CREB5: variants seen among roughly 807,000 people sequenced by gnomAD.
CREB5 encodes cyclic AMP-responsive element-binding protein 5.
In CREB5, 19 loss-of-function variants were observed where a neutral mutation model predicts 57.1. The ratio of observed to expected loss-of-function variants is 0.33; its 90% CI spans 0.23 to 0.49. CREB5 has a LOEUF of 0.49. Ranked by LOEUF, CREB5 falls within the 20% of genes least tolerant of loss-of-function variation. The pLI, the probability that CREB5 is intolerant of heterozygous loss-of-function variation, is 0.99. For synonymous variants in CREB5, 238 were observed against 238.3 expected, an observed-to-expected ratio of 1.00 and a Z score of 0.01; for missense variants, 579 against 671.6, an observed-to-expected ratio of 0.86 and a Z score of 1.52.
chr7:28,770,512 T>C (rs993460595), intron 7 of CREB5, among the ~76,000 whole-genome samples: 4 of 152,246 alleles, frequency 2.6e-5, no homozygotes, highest in African/African-American at 9.6e-5. Flanking sequence ...CATTTGTACC[T>C]TTCATCATGA....
intron 1 of CREB5, among the ~76,000 whole-genome samples, chr7:28,389,860 T>A (rs1405522979): frequency 3.9e-5 from 6 of 152,110 alleles, no homozygotes; most frequent in Non-Finnish European, 5.9e-5. Flanking sequence ...TCTTCTGGTC[T>A]GTATTAACAA....
intron 7 of CREB5, among the ~76,000 whole-genome samples, chr7:28,759,514 G>A (rs1168815700): frequency 6.6e-6 from 1 of 152,200 alleles, no homozygotes; most frequent in Non-Finnish European, 1.5e-5. Context: ...AGAAATTATA[G>A]ATGCACAATT....
chr7:28,686,116 G>T (rs1278767014), intron 5 of CREB5: 1 of 1,611,834 alleles, frequency 6.2e-7, no homozygotes, highest in Non-Finnish European at 8.5e-7. Flanking sequence ...TTAAGCTTTG[G>T]CTCAAATTCT....
intron 5 of CREB5, among the ~76,000 whole-genome samples, chr7:28,630,000 T>G (rs1798143579): frequency 6.6e-6 from 1 of 152,312 alleles, no homozygotes; most frequent in South Asian, 2.1e-4. Flanking sequence ...TCCAATCCAA[T>G]GTACAACTTC....
intron 1 of CREB5, among the ~76,000 whole-genome samples, chr7:28,354,981 G>GCCACC (rs995542774): frequency 1.3e-4 from 20 of 152,222 alleles, no homozygotes; most frequent in East Asian, 1.9e-4. Context: ...ATGGGGCCTA[G>GCCACC]CCACCCCCGC....
intron 5 of CREB5, among the ~76,000 whole-genome samples, chr7:28,580,677 T>C (rs922204340): frequency 6.6e-6 from 1 of 151,774 alleles, no homozygotes; most frequent in Admixed American, 6.6e-5. Context: ...CAGCCTTATA[T>C]TGGGGCCACT....
chr7:28,377,658 T>G (rs542732893), intron 1 of CREB5, among the ~76,000 whole-genome samples: 1 of 152,190 alleles, frequency 6.6e-6, no homozygotes. Flanking sequence ...GTGTTCTAGC[T>G]TTTCAGTCTC....
intron 8 of CREB5, among the ~76,000 whole-genome samples, chr7:28,806,144 C>A (rs1293493689): frequency 1.3e-5 from 2 of 152,182 alleles, no homozygotes; most frequent in African/African-American, 2.4e-5. Flanking sequence ...TATAACAATT[C>A]TTTGAATATA....
At chr7:28,570,563 T>C (rs1388131630) in intron 5 of CREB5, 26 bp downstream of exon 5, 5 of 1,607,790 alleles carry the variant, frequency 3.1e-6, no homozygotes, top group Non-Finnish European at 3.4e-6. Context: ...TGGCTGCCCC[T>C]GGGTCCTGGC....
chr7:28,636,745 T>G (rs1232286175), intron 5 of CREB5, among the ~76,000 whole-genome samples: 1 of 152,222 alleles, frequency 6.6e-6, no homozygotes, highest in Admixed American at 6.5e-5. Flanking sequence ...GTTTGTCTTT[T>G]TGTCTTCATC....
At chr7:28,602,896 G>A (rs1455658317) in intron 5 of CREB5, among the ~76,000 whole-genome samples, 1 of 152,120 alleles carries the variant, frequency 6.6e-6, no homozygotes, top group Non-Finnish European at 1.5e-5. Flanking sequence ...CTCTGTGGAT[G>A]GTACCACTGT....
chr7:28,433,701 A>G (rs1788823423), intron 1 of CREB5, among the ~76,000 whole-genome samples: 1 of 152,126 alleles, frequency 6.6e-6, no homozygotes, highest in East Asian at 1.9e-4. Flanking sequence ...TAGAAGCACA[A>G]GTATAGCCAT....
intron 4 of CREB5, among the ~76,000 whole-genome samples, chr7:28,520,780 G>A (rs375474088): frequency 2.3e-4 from 35 of 152,366 alleles, no homozygotes; most frequent in African/African-American, 7.9e-4. Context: ...GGAGCACAGT[G>A]TACAGGGTTG....
At chr7:28,302,694 C>T (rs966581843) in intron 1 of CREB5, among the ~76,000 whole-genome samples, 3 of 152,068 alleles carry the variant, frequency 2.0e-5, no homozygotes, top group South Asian at 2.1e-4. Flanking sequence ...TGTGCACGCC[C>T]GCTTTCACCT....
At chr7:28,685,794 C>G (rs992334755) in intron 5 of CREB5, among the ~76,000 whole-genome samples, 2 of 151,850 alleles carry the variant, frequency 1.3e-5, no homozygotes, top group African/African-American at 4.8e-5. Context: ...CCCAGCGGCA[C>G]TGTTTCCCCC....
chr7:28,381,499 G>T (rs182058627), intron 1 of CREB5, among the ~76,000 whole-genome samples: 20 of 152,284 alleles, frequency 1.3e-4, no homozygotes, highest in Admixed American at 3.9e-4. Context: ...TTCTCATAGG[G>T]TTGGCATAGA....
At chr7:28,377,334 A>T (rs1425770239) in intron 1 of CREB5, among the ~76,000 whole-genome samples, 1 of 152,164 alleles carries the variant, frequency 6.6e-6, no homozygotes, top group Admixed American at 6.5e-5. Flanking sequence ...AAAAAACTTT[A>T]TACTGATTAT....
chr7:28,823,050 G>C lies in CREB5; in HGVS notation c.*3771G>C, dbSNP rs1475606885. The C allele has an allele frequency of 6.6e-6, 1 of 152,660 alleles. No homozygotes were observed. The highest frequency in any genetic ancestry group is 2.4e-5 in the African/African-American group (1 of 41,468). The allele number at this position is 152,660 out of a possible 1,614,324, so 9.5% of individuals were successfully genotyped here. On this transcript the variant is annotated 3_prime_UTR_variant, in exon 11 of 11. Transcript: ENST00000357727. ...ATTCTGATAGAAGGACGTCGACGGT[G>C]AATGTTCTGGTGGTTGTTGCCTGTT...
chr7:28,643,029 C>CACAT (rs1798741847), intron 5 of CREB5, among the ~76,000 whole-genome samples: 2 of 149,678 alleles, frequency 1.3e-5, no homozygotes, highest in Non-Finnish European at 3.0e-5. Flanking sequence ...CACACACACA[C>CACAT]ACACTTTGGG....
Sources: allele counts gnomAD v4.1 joint callset (sites outside exome capture counted in the v4.1 genomes callset), GRCh38; gene constraint gnomAD v4.1.1; transcripts MANE v1.5; gene names NCBI Gene and HGNC (gene_info 2026-07-23, HGNC 2026-07-21).